The following ATRNL1 variants were observed in gnomAD, a reference collection of about 807,000 sequenced individuals.
ATRNL1 encodes the protein attractin like 1.
Under a neutral mutation model 182.7 loss-of-function variants are expected in ATRNL1, and 95 were observed. The observed-to-expected ratio is 0.52, with a 90% CI of 0.44 to 0.62. The LOEUF (loss-of-function observed/expected upper bound fraction) is 0.62. Ranked by LOEUF, ATRNL1 falls within the 20% of genes least tolerant of loss-of-function variation. The pLI is 0.00. For synonymous variants in ATRNL1, 576 were observed against 568.3 expected (o/e 1.01, Z -0.19); for missense variants, 1,471 against 1,679.5 (o/e 0.88, Z 2.17).
chr10:115,543,963 C>T (rs1021992785), intron 25 of ATRNL1, among the ~76,000 whole-genome samples: 1 of 152,014 alleles, frequency 6.6e-6, no homozygotes, highest in Admixed American at 6.6e-5. Context: ...GGGTGTTGAA[C>T]CTTTCAGATC....
intron 9 of ATRNL1, among the ~76,000 whole-genome samples, chr10:115,227,321 TCAA>T (rs1849741664): frequency 1.3e-5 from 2 of 152,010 alleles, no homozygotes; most frequent in Admixed American, 1.3e-4. Flanking sequence ...GCAAAAATGG[TCAA>T]CATCACTAAT....
chr10:115,263,702 G>T (rs1367631569), intron 10 of ATRNL1, among the ~76,000 whole-genome samples: 1 of 151,714 alleles, frequency 6.6e-6, no homozygotes, highest in Non-Finnish European at 1.5e-5. Flanking sequence ...ACCTAATAGT[G>T]CTACAAACAT....
intron 26 of ATRNL1, among the ~76,000 whole-genome samples, chr10:115,624,579 G>A (rs1857975707): frequency 6.6e-6 from 1 of 152,108 alleles, no homozygotes; most frequent in Admixed American, 6.6e-5. Flanking sequence ...GGAGCCTATT[G>A]TGTGCAACTC....
chr10:115,312,405 T>C (rs1854080038), intron 17 of ATRNL1, among the ~76,000 whole-genome samples: 2 of 152,194 alleles, frequency 1.3e-5, no homozygotes, highest in African/African-American at 2.4e-5. Flanking sequence ...CTGGCAGTTA[T>C]TCTGCTTAAG....
At chr10:115,881,751 A>G (rs181260065) in intron 28 of ATRNL1, among the ~76,000 whole-genome samples, 32 of 152,274 alleles carry the variant, frequency 2.1e-4, no homozygotes, top group African/African-American at 7.2e-4. Context: ...GGAGAGTTTC[A>G]CTATCATGGC....
Position 115,281,397 on chromosome 10 carries a change from A to C in ATRNL1, c.2143A>C (p.Ile715Leu). 1 of 1,613,532 alleles carries C rather than the reference A, an allele frequency of 6.2e-7. No homozygotes were observed. Among genetic ancestry groups the C allele is most frequent in the Non-Finnish European group, 8.5e-7 (1 of 1,179,668 alleles). ...YTKCHVRNEQ[I>L]CNKLTSCKSC... is the part of the protein sequence containing the mutation. ...CAAATGTCATGTGAGAAATGAGCAG[A>C]TTTGTAACAAACTTACCAGCTGTAA... Residue 715 changes from isoleucine (I) to leucine (L), a missense_variant, in exon 14 of 29, where the codon ATT becomes CTT. Ile to Leu is a conservative substitution (Grantham distance 5, BLOSUM62 2). This residue lies in a region of ATRNL1 where 1,031 missense variants were observed against 1,156.0 expected (regional missense o/e 0.89). Coordinates refer to ENST00000355044, the MANE Select transcript of ATRNL1 (RefSeq NM_207303.4).
At chr10:115,336,232 G>A (rs1855475378) in intron 19 of ATRNL1, among the ~76,000 whole-genome samples, 1 of 152,130 alleles carries the variant, frequency 6.6e-6, no homozygotes, top group Non-Finnish European at 1.5e-5. Context: ...TGTTAATGCA[G>A]GAGTTATGTT....
At chr10:115,341,358 T>C (rs1269357453) in intron 19 of ATRNL1, among the ~76,000 whole-genome samples, 3 of 152,196 alleles carry the variant, frequency 2.0e-5, no homozygotes, top group Non-Finnish European at 2.9e-5. Flanking sequence ...TATTCCATTG[T>C]GGTCAGAGAT....
At position 115,946,436 on chromosome 10, in the gene ATRNL1, C is replaced by A. The variant is rs1555125781; in HGVS notation, c.*1657C>A. 1 of 152,162 alleles carries A rather than the reference C, an allele frequency of 6.6e-6. No homozygotes were observed. The highest frequency in any genetic ancestry group is 6.5e-5 in the Admixed American group (1 of 15,278). 9.4% of individuals were successfully genotyped at this position (152,162 alleles called of 1,614,324 possible). On this transcript the variant is annotated 3_prime_UTR_variant, in exon 29 of 29. Transcript: ENST00000355044. ...TGTAGTTGCATCTTATATAAGATTTCTAGGTTGCATCTAACCATGACTATG... is the reference window on the plus strand; with the variant it reads ...TGTAGTTGCATCTTATATAAGATTTATAGGTTGCATCTAACCATGACTATG...
chr10:115,322,703 A>G (rs985490011), intron 18 of ATRNL1, among the ~76,000 whole-genome samples: 3 of 151,862 alleles, frequency 2.0e-5, no homozygotes, highest in Non-Finnish European at 2.9e-5. Flanking sequence ...CATTCTCCTA[A>G]TTTTTTAATA....
At chr10:115,290,327 A>C (rs1195712320) in intron 15 of ATRNL1, among the ~76,000 whole-genome samples, 1 of 152,112 alleles carries the variant, frequency 6.6e-6, no homozygotes, top group Non-Finnish European at 1.5e-5. Flanking sequence ...CACACCAAGG[A>C]AATCAAGGAC....
chr10:115,743,696 T>C (rs1555068388), intron 27 of ATRNL1, among the ~76,000 whole-genome samples: 1 of 152,156 alleles, frequency 6.6e-6, no homozygotes, highest in African/African-American at 2.4e-5. Flanking sequence ...TTATTGATTA[T>C]TCTCAATTAG....
At chr10:115,935,991 C>T (rs1953544848) in intron 28 of ATRNL1, among the ~76,000 whole-genome samples, 1 of 152,142 alleles carries the variant, frequency 6.6e-6, no homozygotes, top group Non-Finnish European at 1.5e-5. Context: ...CACAGAATCC[C>T]CTCACTGATG....
chr10:115,410,584 G>T (rs12260269), intron 20 of ATRNL1, among the ~76,000 whole-genome samples: 1,984 of 151,830 alleles, frequency 0.013, 40 homozygotes, highest in African/African-American at 0.046. Context: ...CTTCCAAAGT[G>T]CTGGGATTAC....
At chr10:115,541,984 A>G (rs1852385566) in intron 25 of ATRNL1, among the ~76,000 whole-genome samples, 1 of 152,202 alleles carries the variant, frequency 6.6e-6, no homozygotes. Context: ...TTTTTGTCCT[A>G]ACTATATGGT....
intron 20 of ATRNL1, among the ~76,000 whole-genome samples, chr10:115,398,740 T>C (rs182534278): frequency 1.3e-5 from 2 of 152,226 alleles, no homozygotes; most frequent in East Asian, 3.9e-4. Flanking sequence ...TCAGATACTA[T>C]GTTGAATGGA....
chr10:115,606,148 A>G (rs2133953881), intron 26 of ATRNL1, among the ~76,000 whole-genome samples: 1 of 152,152 alleles, frequency 6.6e-6, no homozygotes, highest in East Asian at 1.9e-4. Context: ...ATTTTTGCAA[A>G]TGTACACTGT....
intron 27 of ATRNL1, among the ~76,000 whole-genome samples, chr10:115,825,638 A>G (rs905952968): frequency 6.6e-6 from 1 of 151,966 alleles, no homozygotes; most frequent in African/African-American, 2.4e-5. Flanking sequence ...CTCCATTTGT[A>G]TCTCTCAACT....
intron 27 of ATRNL1, among the ~76,000 whole-genome samples, chr10:115,815,762 T>C (rs1414229806): frequency 6.6e-6 from 1 of 152,130 alleles, no homozygotes; most frequent in Non-Finnish European, 1.5e-5. Flanking sequence ...GGGAGAAGCC[T>C]CTAGATCTGT....
Sources: allele counts gnomAD v4.1 joint callset (sites outside exome capture counted in the v4.1 genomes callset), GRCh38; gene constraint gnomAD v4.1.1; regional missense constraint gnomAD v4.1.1; transcripts MANE v1.5; gene names NCBI Gene and HGNC (gene_info 2026-07-23, HGNC 2026-07-21).